LY96: variants seen among roughly 807,000 people sequenced by gnomAD.
LY96 encodes lymphocyte antigen 96.
A neutral mutation model predicts 18.9 loss-of-function variants in LY96; 18 were observed. The ratio of observed to expected loss-of-function variants is 0.95; its 90% CI spans 0.66 to 1.41. The LOEUF (loss-of-function observed/expected upper bound fraction) is 1.41, where lower values mean the gene tolerates loss of function less well. Ranked by LOEUF, LY96 falls within the 40% of genes most tolerant of loss-of-function variation. The probability of loss-of-function intolerance (pLI) is 0.00; values close to 1 mark genes in which losing one functional copy is unlikely to be tolerated. For synonymous variants in LY96, 66 were observed against 62.6 expected, an observed-to-expected ratio of 1.06 and a Z score of -0.26; for missense variants, 175 against 182.4, an observed-to-expected ratio of 0.96 and a Z score of 0.23.
chr8:74,002,066 C>T (rs779538374), intron 1 of LY96, among the ~76,000 whole-genome samples: 5,466 of 22,080 alleles, frequency 0.25, 1,030 homozygotes, highest in African/African-American at 0.44. Context: ...TTCCTTCCTT[C>T]CTTCCTTCCT....
chr8:74,058,366 T>G, the LY96 span, among the ~76,000 whole-genome samples: 11 of 152,182 alleles, frequency 7.2e-5, no homozygotes, highest in African/African-American at 2.7e-4. Context: ...TTTCTGCTAC[T>G]CATGAACTTT....
chr8:74,024,504 A>G (rs978579338), intron 3 of LY96, among the ~76,000 whole-genome samples: 5 of 152,086 alleles, frequency 3.3e-5, no homozygotes, highest in East Asian at 1.9e-4. Context: ...ATAATATTTA[A>G]TAAGTGCTAT....
chr8:74,032,181 G>A (rs1004587978), downstream of LY96, among the ~76,000 whole-genome samples: 1 of 152,066 alleles, frequency 6.6e-6, no homozygotes, highest in Non-Finnish European at 1.5e-5. Context: ...CATAAAACCC[G>A]AAAAGCCACA....
At chr8:74,082,049 C>G in the LY96 span, among the ~76,000 whole-genome samples, 28 of 152,206 alleles carry the variant, frequency 1.8e-4, no homozygotes, top group Non-Finnish European at 3.7e-4. Flanking sequence ...GCTTCCTGCT[C>G]CCTGCTTTCA....
At chr8:74,004,752 G>A in intron 1 of LY96, 44 bp from the exon 2 acceptor site, 1 of 1,485,522 alleles carries the variant, frequency 6.7e-7, no homozygotes, top group Admixed American at 1.7e-5. Context: ...ACTTAATGGA[G>A]ATGATTTGTA....
intron 2 of LY96, among the ~76,000 whole-genome samples, 158 bp from the exon 3 acceptor site, chr8:74,009,840 CAGA>C (rs1050478254): frequency 2.0e-5 from 3 of 152,068 alleles, no homozygotes; most frequent in African/African-American, 7.2e-5. Flanking sequence ...TTCTCATCTG[CAGA>C]AGAAGAGTAA....
chr8:74,017,296 G>T (rs1816664578), intron 3 of LY96, among the ~76,000 whole-genome samples: 1 of 152,072 alleles, frequency 6.6e-6, no homozygotes, highest in African/African-American at 2.4e-5. Context: ...TGGAAGAAAG[G>T]GTATCAGTGA....
the LY96 span, among the ~76,000 whole-genome samples, chr8:74,088,132 AT>A: frequency 3.7e-3 from 559 of 152,114 alleles, 5 homozygotes; most frequent in African/African-American, 0.013. Context: ...ATAGAATAGA[AT>A]AGAATAGAAT....
intron 3 of LY96, among the ~76,000 whole-genome samples, chr8:74,025,880 C>G (rs1480264072): frequency 1.3e-5 from 2 of 151,666 alleles, no homozygotes; most frequent in East Asian, 3.9e-4. Context: ...TGGTGGCAGG[C>G]GCCTGTAATC....
chr8:74,058,343 C>T, the LY96 span, among the ~76,000 whole-genome samples: 1 of 152,056 alleles, frequency 6.6e-6, no homozygotes, highest in Admixed American at 6.6e-5. Context: ...TAATTTCTAC[C>T]TTAAACCTAA....
the LY96 span, among the ~76,000 whole-genome samples, chr8:74,068,087 A>T: frequency 0.05 from 4,501 of 89,944 alleles, 369 homozygotes; most frequent in African/African-American, 0.19. Context: ...AAAAAAAAAA[A>T]AAATATATAT....
rs943304393 is a variant in LY96 at position 74,001,998 on chromosome 8, T to C, written c.113-2798T>C. On this transcript the variant is annotated intron_variant, in intron 1 of 4. Coordinates refer to ENST00000284818, the MANE Select transcript of LY96 (RefSeq NM_015364.5). ...TCCTTCCCTCCCTCCCTCCCTCCTT[T>C]CTTCCTTTCTTCCTTCCTTCCTTCC... Among the ~76,000 whole-genome samples the C allele has an allele frequency of 6.2e-3, 314 of 50,430 alleles. 5 individuals carry two copies. The highest frequency in any genetic ancestry group is 0.013 in the South Asian group (11 of 880). 33.1% of individuals were successfully genotyped at this position (50,430 alleles called of 152,430 possible). A position where few individuals can be genotyped will look rare whatever the true frequency, so the allele number is the denominator to read the frequency against.
intron 3 of LY96, among the ~76,000 whole-genome samples, chr8:74,012,641 G>A (rs973499012): frequency 3.3e-5 from 5 of 152,038 alleles, no homozygotes; most frequent in African/African-American, 1.2e-4. Flanking sequence ...TAATGAGATT[G>A]CACATGTACC....
At chr8:74,010,270 T>A (rs570282156) in intron 3 of LY96, 141 bp downstream of exon 3, 4 of 715,234 alleles carry the variant, frequency 5.6e-6, no homozygotes, top group African/African-American at 1.8e-5. Flanking sequence ...TTTAGCAGCT[T>A]AAATAACATT....
the LY96 span, among the ~76,000 whole-genome samples, chr8:74,083,678 A>T: frequency 1.3e-5 from 2 of 152,204 alleles, no homozygotes; most frequent in African/African-American, 4.8e-5. Context: ...ATTGGTTGGG[A>T]TACCACTTAA....
At chr8:74,049,237 C>T in the LY96 span, among the ~76,000 whole-genome samples, 13 of 152,186 alleles carry the variant, frequency 8.5e-5, no homozygotes, top group African/African-American at 2.2e-4. Flanking sequence ...GTTGAATACA[C>T]GAGTGAATGG....
the LY96 span, among the ~76,000 whole-genome samples, chr8:74,041,185 T>A: frequency 6.6e-6 from 1 of 152,138 alleles, no homozygotes; most frequent in South Asian, 2.1e-4. Context: ...GAACATAAAT[T>A]GTGAAGATTT....
chr8:74,083,555 C>G, the LY96 span, among the ~76,000 whole-genome samples: 1 of 152,100 alleles, frequency 6.6e-6, no homozygotes, highest in African/African-American at 2.4e-5. Context: ...AAATTATTGG[C>G]AATTCCTTAA....
chr8:74,030,833 A>G (rs1164728107), downstream of LY96, among the ~76,000 whole-genome samples: 2 of 152,190 alleles, frequency 1.3e-5, no homozygotes, highest in Non-Finnish European at 2.9e-5. Context: ...AAATCAAACC[A>G]ACTACTGGGC....
Sources: allele counts gnomAD v4.1 joint callset (sites outside exome capture counted in the v4.1 genomes callset), GRCh38; gene constraint gnomAD v4.1.1; transcripts MANE v1.5; gene names NCBI Gene and HGNC (gene_info 2026-07-23, HGNC 2026-07-21).